The following CDK14 variants were observed in gnomAD, a reference collection of about 807,000 sequenced individuals.
The protein encoded by CDK14 is cyclin-dependent kinase 14.
In CDK14, 34 loss-of-function variants were observed where a neutral mutation model predicts 60.7. The ratio of observed to expected loss-of-function variants is 0.56; its 90% CI spans 0.43 to 0.75. The LOEUF is 0.75. Among genes scored for constraint, CDK14 ranks in the 30% least tolerant of loss-of-function variants. The probability of loss-of-function intolerance (pLI) is 0.00; values close to 1 mark genes in which losing one functional copy is unlikely to be tolerated. For missense variants in CDK14, 482 were observed against 564.1 expected (o/e 0.85, Z 1.47); for synonymous variants, 197 against 203.7 (o/e 0.97, Z 0.28).
At chr7:90,865,705 A>G (rs865892659) in intron 6 of CDK14, among the ~76,000 whole-genome samples, 1 of 152,210 alleles carries the variant, frequency 6.6e-6, no homozygotes, top group Non-Finnish European at 1.5e-5. Flanking sequence ...TATGGCCACA[A>G]TAATAAAACC....
intron 12 of CDK14, among the ~76,000 whole-genome samples, chr7:91,083,008 C>G (rs983893683): frequency 2.6e-5 from 4 of 152,056 alleles, no homozygotes; most frequent in Non-Finnish European, 4.4e-5. Context: ...ATGTCTTTCC[C>G]TGTTTAAAAA....
chr7:91,185,002 G>T (rs1201677580), intron 14 of CDK14, among the ~76,000 whole-genome samples: 1 of 151,284 alleles, frequency 6.6e-6, no homozygotes, highest in Non-Finnish European at 1.5e-5. Context: ...TTGCATAAAG[G>T]CGTGCATACA....
chr7:90,775,711 T>TCTC (rs1554334445), intron 4 of CDK14, among the ~76,000 whole-genome samples: 1 of 120,580 alleles, frequency 8.3e-6, no homozygotes, highest in South Asian at 3.1e-4. Flanking sequence ...TCCTTTTCCT[T>TCTC]CTCCTCCTCC....
chr7:90,915,836 C>T (rs761221769), intron 7 of CDK14, among the ~76,000 whole-genome samples: 3 of 152,076 alleles, frequency 2.0e-5, no homozygotes, highest in East Asian at 1.9e-4. Context: ...ATTGTTTGAA[C>T]GTCAAATGAA....
chr7:90,788,150 A>C (rs961162310), intron 4 of CDK14, among the ~76,000 whole-genome samples: 3 of 152,116 alleles, frequency 2.0e-5, no homozygotes, highest in African/African-American at 7.2e-5. Context: ...TGCGGGAAAA[A>C]GGTTGTGTGT....
chr7:91,074,260 C>T (rs1297635924), intron 11 of CDK14, among the ~76,000 whole-genome samples: 2 of 152,186 alleles, frequency 1.3e-5, no homozygotes, highest in Non-Finnish European at 2.9e-5. Context: ...TGGAATCACT[C>T]CTCAGCAAAT....
chr7:90,616,201 C>T (rs1436944501), intron 2 of CDK14, among the ~76,000 whole-genome samples: 1 of 151,976 alleles, frequency 6.6e-6, no homozygotes, highest in East Asian at 1.9e-4. Flanking sequence ...ACAGAAATTT[C>T]TAACAAAGAA....
chr7:90,711,524 C>T (rs1424828769), intron 2 of CDK14, among the ~76,000 whole-genome samples: 2 of 151,408 alleles, frequency 1.3e-5, no homozygotes, highest in African/African-American at 4.9e-5. Context: ...TGTAAGTTTG[C>T]GAAAAGTAAT....
intron 4 of CDK14, among the ~76,000 whole-genome samples, chr7:90,756,237 T>G (rs4591946): frequency 0.035 from 5,373 of 152,324 alleles, 127 homozygotes; most frequent in South Asian, 0.1. Flanking sequence ...CAAACACTAT[T>G]TCTTTATAAG....
chr7:91,076,916 A>C (rs1798334818), intron 11 of CDK14, among the ~76,000 whole-genome samples: 1 of 152,244 alleles, frequency 6.6e-6, no homozygotes, highest in South Asian at 2.1e-4. Flanking sequence ...ATCACTGATC[A>C]TTAGAGAATT....
intron 5 of CDK14, among the ~76,000 whole-genome samples, chr7:90,809,114 AG>A (rs1483814793): frequency 6.6e-6 from 1 of 152,212 alleles, no homozygotes; most frequent in African/African-American, 2.4e-5. Flanking sequence ...CTCTACACCA[AG>A]TGGACCTAAT....
At chr7:90,791,832 A>G (rs1410300111) in intron 5 of CDK14, among the ~76,000 whole-genome samples, 2 of 151,618 alleles carry the variant, frequency 1.3e-5, no homozygotes, top group Non-Finnish European at 2.9e-5. Context: ...AGATTTTCCA[A>G]GTAGGTAGGT....
At chr7:90,732,765 A>G (rs1055774703) in intron 3 of CDK14, among the ~76,000 whole-genome samples, 2 of 151,818 alleles carry the variant, frequency 1.3e-5, no homozygotes, top group Admixed American at 6.6e-5. Flanking sequence ...AGGTCTATCT[A>G]TTTTGTTGAT....
intron 10 of CDK14, among the ~76,000 whole-genome samples, chr7:91,034,215 C>T (rs1006991556): frequency 1.3e-5 from 2 of 152,100 alleles, no homozygotes; most frequent in South Asian, 4.1e-4. Context: ...GAGAGACTGT[C>T]TAGTTAAATT....
intron 2 of CDK14, among the ~76,000 whole-genome samples, chr7:90,657,662 G>A (rs2116494139): frequency 6.6e-6 from 1 of 152,212 alleles, no homozygotes; most frequent in South Asian, 2.1e-4. Context: ...AACCACATAT[G>A]GGCCAGTGGC....
chr7:91,174,196 C>A (rs373321168), intron 14 of CDK14, among the ~76,000 whole-genome samples: 2 of 151,898 alleles, frequency 1.3e-5, no homozygotes, highest in Non-Finnish European at 1.5e-5. Flanking sequence ...AGCAGGGGCA[C>A]ACTGACACCT....
chr7:90,894,436 C>T (rs1008675926), intron 6 of CDK14, among the ~76,000 whole-genome samples: 4 of 152,126 alleles, frequency 2.6e-5, no homozygotes, highest in African/African-American at 9.7e-5. Context: ...TCGTGCCCTA[C>T]ATCTAAAAAA....
intron 10 of CDK14, among the ~76,000 whole-genome samples, chr7:91,029,501 G>A (rs1796693697): frequency 6.7e-6 from 1 of 150,110 alleles, no homozygotes; most frequent in Non-Finnish European, 1.5e-5. Context: ...TTTTTTAATC[G>A]GTGTTTTATA....
intron 2 of CDK14, among the ~76,000 whole-genome samples, chr7:90,647,705 A>G (rs1787093059): frequency 6.6e-6 from 1 of 152,132 alleles, no homozygotes; most frequent in Non-Finnish European, 1.5e-5. Flanking sequence ...AAATTGCTAC[A>G]TTAAGCCAGG....
Sources: allele counts gnomAD v4.1 joint callset (sites outside exome capture counted in the v4.1 genomes callset), GRCh38; gene constraint gnomAD v4.1.1; transcripts MANE v1.5; gene names NCBI Gene and HGNC (gene_info 2026-07-23, HGNC 2026-07-21).